Variants in ZBTB20 observed in about 807,000 individuals in gnomAD.
The protein encoded by ZBTB20 is zinc finger and BTB domain-containing protein 20.
Under a neutral mutation model 56.9 loss-of-function variants are expected in ZBTB20, and 9 were observed. The observed-to-expected ratio is 0.16, with a 90% CI of 0.10 to 0.28. The LOEUF is 0.28. Among genes scored for constraint, ZBTB20 ranks in the 10% least tolerant of loss-of-function variants. The pLI, the probability that ZBTB20 is intolerant of heterozygous loss-of-function variation, is 1.00. For synonymous variants in ZBTB20, 417 were observed against 420.7 expected (o/e 0.99, Z 0.11); for missense variants, 655 against 1,003.0 (o/e 0.65, Z 4.69).
intron 6 of ZBTB20, among the ~76,000 whole-genome samples, chr3:114,533,212 C>G (rs923846651): frequency 6.6e-6 from 1 of 152,000 alleles, no homozygotes; most frequent in African/African-American, 2.4e-5. Context: ...GGAGCATGTT[C>G]TAACCCAATG....
intron 6 of ZBTB20, among the ~76,000 whole-genome samples, chr3:114,525,930 C>A (rs1403813909): frequency 6.6e-6 from 1 of 152,236 alleles, no homozygotes; most frequent in African/African-American, 2.4e-5. Context: ...TCTTGCACTG[C>A]AATTCCCACA....
At chr3:114,782,348 G>C (rs1299909545) in intron 5 of ZBTB20, among the ~76,000 whole-genome samples, 6 of 152,170 alleles carry the variant, frequency 3.9e-5, no homozygotes, top group Non-Finnish European at 8.8e-5. Context: ...AATGGGGGAG[G>C]CTATTGATTT....
At chr3:115,127,135 A>C (rs1349382081) in intron 1 of ZBTB20, among the ~76,000 whole-genome samples, 1 of 152,186 alleles carries the variant, frequency 6.6e-6, no homozygotes, top group Admixed American at 6.5e-5. Flanking sequence ...AGTCCAAAAA[A>C]ATCTATGTTA....
intron 4 of ZBTB20, among the ~76,000 whole-genome samples, chr3:114,890,774 ATAT>A (rs1335021626): frequency 6.6e-6 from 1 of 152,140 alleles, no homozygotes; most frequent in Admixed American, 6.6e-5. Context: ...AATAATAATA[ATAT>A]TATCACATTT....
At chr3:114,906,441 C>T (rs2075320180) in intron 3 of ZBTB20, among the ~76,000 whole-genome samples, 1 of 151,562 alleles carries the variant, frequency 6.6e-6, no homozygotes, top group South Asian at 2.1e-4. Flanking sequence ...ACAACAGCAA[C>T]CACTTTCAAT....
intron 7 of ZBTB20, among the ~76,000 whole-genome samples, chr3:114,412,643 T>G (rs2088090804): frequency 6.6e-6 from 1 of 152,154 alleles, no homozygotes. Flanking sequence ...TTAGGCTTTT[T>G]TTGGTCACAG....
chr3:114,892,931 T>C (rs1457568844), intron 4 of ZBTB20, among the ~76,000 whole-genome samples: 4 of 152,284 alleles, frequency 2.6e-5, no homozygotes, highest in East Asian at 1.9e-4. Context: ...AAATTAAAAA[T>C]TGGTTGTAGA....
rs1445997744 is a variant in ZBTB20, at chr3:114,802,482, A to T, written c.-416-1308T>A. Among the ~76,000 whole-genome samples, 14 of 151,820 alleles carry T rather than the reference A, an allele frequency of 9.2e-5. No homozygotes were observed. In the South Asian group the frequency reaches 2.3e-3, roughly 25 times the overall value. On this transcript the variant is annotated intron_variant, in intron 4 of 11. Coordinates refer to ENST00000675478, the MANE Select transcript of ZBTB20 (RefSeq NM_001348800.3). ...TTCACTCATGAATGAGATTAGATTT[A>T]AAAAAAATCACTGACATTGACTAAC...
At chr3:114,368,457 C>T (rs1468681451) in intron 10 of ZBTB20, among the ~76,000 whole-genome samples, 3 of 152,174 alleles carry the variant, frequency 2.0e-5, no homozygotes, top group Admixed American at 6.5e-5. Flanking sequence ...AGCCATTCTG[C>T]ATTGGGATGT....
intron 4 of ZBTB20, among the ~76,000 whole-genome samples, chr3:114,827,384 A>T (rs2073591248): frequency 6.6e-6 from 1 of 151,778 alleles, no homozygotes; most frequent in South Asian, 2.1e-4. Context: ...GGCCGGGACA[A>T]AGGTACTACA....
chr3:115,005,549 T>A (rs1373191500), intron 2 of ZBTB20, among the ~76,000 whole-genome samples: 1 of 151,844 alleles, frequency 6.6e-6, no homozygotes, highest in East Asian at 1.9e-4. Flanking sequence ...CAGGTACTCA[T>A]GTCTTGTCTC....
chr3:114,948,857 T>G (rs1235939706), intron 3 of ZBTB20, among the ~76,000 whole-genome samples: 3 of 146,264 alleles, frequency 2.1e-5, no homozygotes, highest in Non-Finnish European at 4.4e-5. Context: ...ATTTATAGAT[T>G]AGATATCAGT....
At chr3:115,107,956 G>A (rs1226894882) in intron 1 of ZBTB20, among the ~76,000 whole-genome samples, 1 of 152,158 alleles carries the variant, frequency 6.6e-6, no homozygotes, top group Non-Finnish European at 1.5e-5. Context: ...TGGACACAGG[G>A]AGAGGAACGA....
chr3:114,693,408 G>C (rs2108325641), intron 6 of ZBTB20, 120 bp downstream of exon 6: 1 of 152,148 alleles, frequency 6.6e-6, no homozygotes, highest in Non-Finnish European at 1.5e-5. Flanking sequence ...CTAAAGTTTA[G>C]ACCCAAAGAC....
intron 1 of ZBTB20, among the ~76,000 whole-genome samples, chr3:115,133,514 C>A (rs769513094): frequency 1.3e-4 from 20 of 152,112 alleles, no homozygotes; most frequent in Non-Finnish European, 2.6e-4. Context: ...AACCCTATAC[C>A]CATTAAGCAG....
At chr3:114,958,846 G>A (rs2077343035) in intron 3 of ZBTB20, among the ~76,000 whole-genome samples, 1 of 149,100 alleles carries the variant, frequency 6.7e-6, no homozygotes, top group Non-Finnish European at 1.5e-5. Context: ...GTGAGAGTCT[G>A]TCTCAGAAAA....
chr3:114,748,575 G>T (rs2067302416), intron 5 of ZBTB20, among the ~76,000 whole-genome samples: 1 of 151,984 alleles, frequency 6.6e-6, no homozygotes, highest in Admixed American at 6.6e-5. Context: ...CTTGCTCAAA[G>T]CAAAATAATG....
intron 7 of ZBTB20, among the ~76,000 whole-genome samples, chr3:114,407,919 GA>G (rs1231077161): frequency 5.3e-5 from 8 of 150,054 alleles, no homozygotes; most frequent in South Asian, 2.1e-4. Context: ...TGAGGGGGGG[GA>G]AACATCTTTA....
At chr3:115,035,544 A>ACACAC (rs2080878359) in intron 2 of ZBTB20, among the ~76,000 whole-genome samples, 5 of 147,858 alleles carry the variant, frequency 3.4e-5, no homozygotes, top group African/African-American at 1.2e-4. Context: ...GCTACTATCA[A>ACACAC]ACACACACAC....
Sources: gnomAD v4.1 joint callset for allele counts (sites outside exome capture counted in the v4.1 genomes callset) on GRCh38, gnomAD v4.1.1 for gene constraint, MANE v1.5 for transcripts, NCBI Gene and HGNC (gene_info 2026-07-23, HGNC 2026-07-21) for gene names.